WDPCP: variants seen among roughly 807,000 people sequenced by gnomAD.
The protein encoded by WDPCP is WD repeat-containing and planar cell polarity effector protein fritz homolog.
WDPCP carries 71 observed loss-of-function variants against 93.1 expected under a neutral mutation model. The observed-to-expected ratio is 0.76, with a 90% confidence interval of 0.63 to 0.93. The LOEUF (loss-of-function observed/expected upper bound fraction) is 0.93. WDPCP is among the 40% of genes least tolerant of loss of function. The pLI is 0.00. For synonymous variants in WDPCP, 315 were observed against 315.0 expected (o/e 1.00, Z 0.00); for missense variants, 844 against 887.4 (o/e 0.95, Z 0.62).
At chr2:63,664,305 A>G (rs1386792798) in intron 2 of WDPCP, among the ~76,000 whole-genome samples, 7 of 152,254 alleles carry the variant, frequency 4.6e-5, no homozygotes, top group Admixed American at 3.9e-4. Context: ...CCAGGAAGAT[A>G]GAGAACCAAG....
chr2:63,187,978 T>C (rs899495564), intron 14 of WDPCP, among the ~76,000 whole-genome samples: 6 of 152,094 alleles, frequency 3.9e-5, no homozygotes, highest in African/African-American at 1.5e-4. Flanking sequence ...ACAGTATTCT[T>C]AGTTGATTTT....
At chr2:63,474,434 T>C (rs1038532619) in intron 6 of WDPCP, among the ~76,000 whole-genome samples, 1 of 152,140 alleles carries the variant, frequency 6.6e-6, no homozygotes, top group Admixed American at 6.6e-5. Flanking sequence ...CTAGTATACA[T>C]ATCTAACAAT....
At chr2:63,393,861 C>T (rs1017822750) in intron 10 of WDPCP, among the ~76,000 whole-genome samples, 2 of 152,124 alleles carry the variant, frequency 1.3e-5, no homozygotes, top group Admixed American at 6.6e-5. Context: ...GGATAACTGG[C>T]TAGCCATATA....
intron 14 of WDPCP, among the ~76,000 whole-genome samples, chr2:63,189,603 G>T (rs1674888185): frequency 6.6e-6 from 1 of 152,148 alleles, no homozygotes; most frequent in Admixed American, 6.5e-5. Flanking sequence ...AACTGCAGCA[G>T]GTGAGGACTA....
rs528264016 is a variant in WDPCP at position 63,507,258 on chromosome 2, G to A, written c.76-14318C>T. Among the ~76,000 whole-genome samples the A allele has an allele frequency of 1.4e-3, 203 of 148,350 alleles. No homozygotes were observed. The Middle Eastern group carries it at 0.014, about 10-fold the overall frequency. Reference sequence around the variant, plus strand: ...AATATAGTAAAAGTTTGCAGAGAAGGAAAAAAAAAATAGGTCACATAAAAA... The same window carrying A: ...AATATAGTAAAAGTTTGCAGAGAAGAAAAAAAAAAATAGGTCACATAAAAA... On this transcript the variant is annotated intron_variant, in intron 1 of 17. Transcript: ENST00000272321.
chr2:63,352,177 T>C (rs2421886), intron 12 of WDPCP, among the ~76,000 whole-genome samples: 119,286 of 152,162 alleles, frequency 0.78, 47,345 homozygotes, highest in East Asian at 0.96. Context: ...TAGACCTCTG[T>C]TGGATGCATA....
chr2:63,264,029 T>A (rs1413454753), intron 13 of WDPCP, among the ~76,000 whole-genome samples: 3 of 152,178 alleles, frequency 2.0e-5, no homozygotes, highest in African/African-American at 4.8e-5. Context: ...TATCTAATTT[T>A]GTATTTGAAA....
At chr2:63,458,460 A>G (rs1698789476) in intron 6 of WDPCP, among the ~76,000 whole-genome samples, 1 of 152,186 alleles carries the variant, frequency 6.6e-6, no homozygotes, top group Non-Finnish European at 1.5e-5. Flanking sequence ...GAACTAGGCG[A>G]GAAAGAAATC....
intron 3 of WDPCP, among the ~76,000 whole-genome samples, chr2:63,640,666 A>ATATT (rs1464241678): frequency 6.6e-6 from 1 of 152,106 alleles, no homozygotes; most frequent in African/African-American, 2.4e-5. Context: ...AAGAAATAAA[A>ATATT]TATTTTGTTT....
intron 12 of WDPCP, among the ~76,000 whole-genome samples, chr2:63,320,027 A>T (rs992799671): frequency 9.9e-5 from 15 of 151,984 alleles, no homozygotes; most frequent in Admixed American, 9.8e-4. Context: ...CTAATACTAT[A>T]AAAAAACTTG....
chr2:63,236,692 T>C (rs1474499444), intron 14 of WDPCP, among the ~76,000 whole-genome samples: 1 of 152,070 alleles, frequency 6.6e-6, no homozygotes, highest in Admixed American at 6.6e-5. Context: ...TACAACCAAC[T>C]GATCTTCAAA....
At chr2:63,752,498 C>T in intron 2 of WDPCP, 1 of 758,932 alleles carries the variant, frequency 1.3e-6, no homozygotes, top group East Asian at 2.5e-5. Flanking sequence ...GTTGGGATCT[C>T]TCATGACCAC....
intron 6 of WDPCP, among the ~76,000 whole-genome samples, chr2:63,468,055 G>T (rs1420671508): frequency 1.3e-5 from 2 of 152,160 alleles, no homozygotes. Flanking sequence ...GCATCACTGG[G>T]TACTAGGGCC....
At chr2:63,751,503 C>A (rs891825979) in intron 2 of WDPCP, among the ~76,000 whole-genome samples, 2 of 152,154 alleles carry the variant, frequency 1.3e-5, no homozygotes, top group African/African-American at 2.4e-5. Context: ...CACCTTTAGT[C>A]ACAAATACAG....
At chr2:63,840,783 G>A in the WDPCP span, among the ~76,000 whole-genome samples, 3 of 152,148 alleles carry the variant, frequency 2.0e-5, no homozygotes, top group Admixed American at 6.5e-5. Flanking sequence ...CCGCAACGCC[G>A]CCGTAAGTGC....
chr2:63,414,418 C>T (rs1012670983), intron 9 of WDPCP, among the ~76,000 whole-genome samples: 6 of 151,862 alleles, frequency 4.0e-5, no homozygotes, highest in Non-Finnish European at 7.4e-5. Flanking sequence ...AATCCAAATG[C>T]CCATCAATCA....
chr2:63,621,167 A>G (rs761738078), intron 3 of WDPCP, among the ~76,000 whole-genome samples: 24 of 152,106 alleles, frequency 1.6e-4, no homozygotes, highest in Non-Finnish European at 2.6e-4. Flanking sequence ...ATGAAAAATG[A>G]GTTTGACAAA....
chr2:63,462,262 A>C (rs369025734), intron 6 of WDPCP, among the ~76,000 whole-genome samples: 4 of 152,178 alleles, frequency 2.6e-5, no homozygotes, highest in African/African-American at 9.7e-5. Context: ...AGAAAACCAA[A>C]CACTGCATAT....
upstream of WDPCP, chr2:63,593,643 G>A (rs1709244914): frequency 2.1e-6 from 1 of 471,572 alleles, no homozygotes; most frequent in South Asian, 1.5e-5. Flanking sequence ...GGGTAAAGGT[G>A]ACAGTGGAAG....
Sources: allele counts gnomAD v4.1 joint callset (sites outside exome capture counted in the v4.1 genomes callset), GRCh38; gene constraint gnomAD v4.1.1; transcripts MANE v1.5; gene names NCBI Gene and HGNC (gene_info 2026-07-23, HGNC 2026-07-21).